CYRIA: variants seen among roughly 807,000 people sequenced by gnomAD.
CYRIA encodes the protein CYFIP-related Rac1 interactor A.
A neutral mutation model predicts 43.9 loss-of-function variants in CYRIA; 15 were observed. The ratio of observed to expected loss-of-function variants is 0.34; its 90% CI spans 0.23 to 0.53. CYRIA has a LOEUF of 0.53. Ranked by LOEUF, CYRIA falls within the 20% of genes least tolerant of loss-of-function variation. CYRIA has a pLI of 0.94. For synonymous variants in CYRIA, 117 were observed against 136.0 expected (o/e 0.86, Z 0.97); for missense variants, 236 against 394.2 (o/e 0.60, Z 3.40).
At chr2:16,571,413 C>T (rs1042993418) in intron 3 of CYRIA, among the ~76,000 whole-genome samples, 12 of 152,142 alleles carry the variant, frequency 7.9e-5, no homozygotes, top group Admixed American at 5.9e-4. Context: ...GGAAGGTCTT[C>T]GGTGAACCTG....
chr2:16,634,037 C>T (rs974591), intron 1 of CYRIA, among the ~76,000 whole-genome samples: 84,239 of 151,934 alleles, frequency 0.55, 27,475 homozygotes, highest in East Asian at 0.95. Context: ...GGACCACAGA[C>T]AGAATGACTA....
At chr2:16,614,895 G>A (rs1474265900) in intron 2 of CYRIA, among the ~76,000 whole-genome samples, 1 of 152,136 alleles carries the variant, frequency 6.6e-6, no homozygotes, top group Non-Finnish European at 1.5e-5. Context: ...CTGCAGAGTA[G>A]TGCCTTTAGA....
intron 2 of CYRIA, among the ~76,000 whole-genome samples, chr2:16,606,946 T>A (rs1668420712): frequency 6.6e-6 from 1 of 151,822 alleles, no homozygotes; most frequent in Admixed American, 6.6e-5. Context: ...TATAAAAAAT[T>A]ATGTTGGTAC....
In CYRIA at chr2:16,553,012, A is replaced by C. The variant is rs1325435320; in HGVS notation, c.909-13T>G. 1 of 1,571,260 alleles carries C rather than the reference A, an allele frequency of 6.4e-7. No homozygotes were observed. Among genetic ancestry groups the C allele is most frequent in the Non-Finnish European group, 8.8e-7 (1 of 1,140,684 alleles). Reference sequence around the variant, plus strand: ...CTTTGTAGTGAACCTGGATGGAGAGAGAATGGTAGAGGTTAGCGGCAAACA... The same window carrying C: ...CTTTGTAGTGAACCTGGATGGAGAGCGAATGGTAGAGGTTAGCGGCAAACA... On this transcript the variant is annotated splice_polypyrimidine_tract_variant and intron_variant, in intron 11 of 11. Transcript: ENST00000381323.
intron 3 of CYRIA, among the ~76,000 whole-genome samples, chr2:16,579,323 G>C (rs1341025189): frequency 6.6e-6 from 1 of 151,898 alleles, no homozygotes; most frequent in Non-Finnish European, 1.5e-5. Flanking sequence ...AATGACACCA[G>C]AGAGACCTTG....
chr2:16,621,920 CCTT>C (rs1416870898), intron 2 of CYRIA, among the ~76,000 whole-genome samples: 1 of 152,092 alleles, frequency 6.6e-6, no homozygotes, highest in East Asian at 1.9e-4. Flanking sequence ...AATGCAAGCT[CCTT>C]GAGAACAGGA....
chr2:16,656,925 T>TAGAGAAACACTA (rs1307873294), intron 1 of CYRIA, among the ~76,000 whole-genome samples: 2 of 152,078 alleles, frequency 1.3e-5, no homozygotes, highest in African/African-American at 4.8e-5. Context: ...ACACTAGAGC[T>TAGAGAAACACTA]GTGGAAGAAG....
At chr2:16,564,155 C>T (rs187227867) in intron 4 of CYRIA, 61 bp from the exon 5 acceptor site, 1 of 1,320,888 alleles carries the variant, frequency 7.6e-7, no homozygotes, top group Non-Finnish European at 1.1e-6. Context: ...CATCAAAATG[C>T]CCTAAGATTT....
At chr2:16,593,573 C>T (rs1668001760) in intron 2 of CYRIA, among the ~76,000 whole-genome samples, 3 of 152,096 alleles carry the variant, frequency 2.0e-5, no homozygotes, top group Admixed American at 1.3e-4. Flanking sequence ...AAAATTAAAA[C>T]CCATTTTCAA....
Position 16,632,649 on chromosome 2 carries a change from A to G in CYRIA, c.-166-8630T>C, listed in dbSNP as rs965918889. Among the ~76,000 whole-genome samples the G allele has an allele frequency of 5.3e-5, 8 of 152,152 alleles. No individual in the cohort carries two copies. In the East Asian group the frequency reaches 9.6e-4, roughly 18 times the overall value. On this transcript the variant is annotated intron_variant, in intron 1 of 11. Coordinates refer to ENST00000381323, the MANE Select transcript of CYRIA (RefSeq NM_030797.4). The stretch of plus-strand genomic sequence containing the variant: ...CACTTTCACAAAGCAGGCACGGGGG[A>G]AAATGAAAAACTTCCATCATTCTTG...
At chr2:16,582,941 T>C (rs1667600437) in intron 3 of CYRIA, among the ~76,000 whole-genome samples, 1 of 152,178 alleles carries the variant, frequency 6.6e-6, no homozygotes, top group South Asian at 2.1e-4. Flanking sequence ...TTCCAGACTG[T>C]TTTCCAAAGC....
intron 2 of CYRIA, among the ~76,000 whole-genome samples, chr2:16,622,476 A>T (rs746981456): frequency 6.6e-6 from 1 of 152,226 alleles, no homozygotes; most frequent in Non-Finnish European, 1.5e-5. Flanking sequence ...AATGAAATCC[A>T]GATATGGGAT....
intron 3 of CYRIA, among the ~76,000 whole-genome samples, chr2:16,578,289 G>A (rs1409173776): frequency 7.2e-5 from 11 of 152,134 alleles, no homozygotes; most frequent in Admixed American, 7.2e-4. Context: ...TTTTCTGAGT[G>A]CACGTATTAT....
intron 3 of CYRIA, among the ~76,000 whole-genome samples, chr2:16,578,326 C>T (rs140461765): frequency 1.3e-5 from 2 of 152,226 alleles, no homozygotes; most frequent in Non-Finnish European, 2.9e-5. Context: ...TGTTCTGCTG[C>T]CTGGCATTTG....
chr2:16,626,796 G>A (rs1488867158), intron 1 of CYRIA, among the ~76,000 whole-genome samples: 1 of 152,164 alleles, frequency 6.6e-6, no homozygotes, highest in African/African-American at 2.4e-5. Context: ...AGCAGCCACA[G>A]GCGGCCCAGG....
At chr2:16,620,478 G>A (rs778536048) in intron 2 of CYRIA, among the ~76,000 whole-genome samples, 1 of 152,170 alleles carries the variant, frequency 6.6e-6, no homozygotes. Context: ...GTTGATCTGT[G>A]TGAACTTATT....
intron 1 of CYRIA, among the ~76,000 whole-genome samples, chr2:16,625,483 T>G (rs967355896): frequency 1.3e-5 from 2 of 152,188 alleles, no homozygotes; most frequent in African/African-American, 4.8e-5. Context: ...CTTGGCTTGA[T>G]GAGAAAGTGA....
intron 3 of CYRIA, among the ~76,000 whole-genome samples, chr2:16,581,790 G>A (rs1356581451): frequency 6.6e-6 from 1 of 151,966 alleles, no homozygotes; most frequent in East Asian, 1.9e-4. Context: ...CCCCAAACGG[G>A]AAATAGCCCA....
intron 3 of CYRIA, among the ~76,000 whole-genome samples, chr2:16,569,057 A>T (rs1371172533): frequency 6.6e-6 from 1 of 152,196 alleles, no homozygotes; most frequent in East Asian, 1.9e-4. Flanking sequence ...GGCCTGAAAA[A>T]GGTACTGGCA....
Sources: gnomAD v4.1 joint callset for allele counts (sites outside exome capture counted in the v4.1 genomes callset) on GRCh38, gnomAD v4.1.1 for gene constraint, MANE v1.5 for transcripts, NCBI Gene and HGNC (gene_info 2026-07-23, HGNC 2026-07-21) for gene names.